The following TPRG1 variants were observed in gnomAD, a reference collection of about 807,000 sequenced individuals.
TPRG1 encodes the protein tumor protein p63-regulated gene 1 protein.
TPRG1 carries 29 observed loss-of-function variants against 29.3 expected under a neutral mutation model. The observed-to-expected ratio is 0.99, with a 90% CI of 0.74 to 1.35. The LOEUF is 1.35. Among genes scored for constraint, TPRG1 ranks in the 40% most tolerant of loss-of-function variants. The pLI is 0.00. For missense variants in TPRG1, 327 were observed against 335.0 expected, an observed-to-expected ratio of 0.98 and a Z score of 0.19; for synonymous variants, 130 against 116.8, an observed-to-expected ratio of 1.11 and a Z score of -0.73.
At chr3:189,202,752 G>A (rs925624787) in intron 1 of TPRG1, among the ~76,000 whole-genome samples, 2 of 152,122 alleles carry the variant, frequency 1.3e-5, no homozygotes, top group Non-Finnish European at 2.9e-5. Flanking sequence ...AAAGAGAAAG[G>A]CTTCATTCAG....
At chr3:189,120,973 A>G (rs945740238) in intron 1 of TPRG1, among the ~76,000 whole-genome samples, 8 of 152,224 alleles carry the variant, frequency 5.3e-5, no homozygotes, top group African/African-American at 1.9e-4. Flanking sequence ...AATTAAGGAC[A>G]TGTGTGGGAA....
At chr3:189,210,070 A>G (rs189091338) in intron 2 of TPRG1, among the ~76,000 whole-genome samples, 1 of 152,296 alleles carries the variant, frequency 6.6e-6, no homozygotes, top group East Asian at 1.9e-4. Context: ...CTTATGAACC[A>G]CAAGTCTGCT....
intron 4 of TPRG1, among the ~76,000 whole-genome samples, chr3:189,032,754 C>G (rs370722733): frequency 8.8e-6 from 1 of 113,980 alleles, no homozygotes; most frequent in East Asian, 3.3e-4. Context: ...CCCCTCCCCC[C>G]ACCCCACAAC....
chr3:189,254,318 A>T (rs1742727243), intron 4 of TPRG1, among the ~76,000 whole-genome samples: 1 of 152,204 alleles, frequency 6.6e-6, no homozygotes, highest in African/African-American at 2.4e-5. Flanking sequence ...TTTGTCAAAG[A>T]TTAGATGGCT....
chr3:189,109,332 C>A (rs1441992404), intron 1 of TPRG1, among the ~76,000 whole-genome samples: 1 of 152,184 alleles, frequency 6.6e-6, no homozygotes, highest in East Asian at 1.9e-4. Flanking sequence ...CACACAGTAG[C>A]CTTGTAAGAG....
intron 4 of TPRG1, among the ~76,000 whole-genome samples, chr3:189,281,030 G>T (rs1207500622): frequency 6.6e-6 from 1 of 152,174 alleles, no homozygotes; most frequent in Non-Finnish European, 1.5e-5. Flanking sequence ...ATGACTGTAT[G>T]ACCCAATTCA....
intron 4 of TPRG1, among the ~76,000 whole-genome samples, chr3:189,084,554 A>G (rs1266871420): frequency 1.3e-5 from 2 of 152,212 alleles, no homozygotes; most frequent in Non-Finnish European, 2.9e-5. Context: ...TTTCAACCTA[A>G]TTAAAGTAAC....
intron 3 of TPRG1, among the ~76,000 whole-genome samples, chr3:189,231,871 T>C (rs1738707497): frequency 6.6e-6 from 1 of 152,110 alleles, no homozygotes; most frequent in Non-Finnish European, 1.5e-5. Context: ...GCTTCTGTTG[T>C]TATAATCTAA....
chr3:189,202,171 T>C (rs1201888194), intron 1 of TPRG1, among the ~76,000 whole-genome samples: 2 of 152,152 alleles, frequency 1.3e-5, no homozygotes, highest in African/African-American at 4.8e-5. Flanking sequence ...CCAACTATGG[T>C]GGATCTGTCT....
At chr3:189,101,933 A>T (rs975085393) in intron 1 of TPRG1, among the ~76,000 whole-genome samples, 3 of 151,996 alleles carry the variant, frequency 2.0e-5, no homozygotes, top group Non-Finnish European at 4.4e-5. Context: ...AGGTGCTGCT[A>T]TTGTTTTATT....
chr3:189,129,347 G>A (rs1327000787), intron 2 of TPRG1, among the ~76,000 whole-genome samples: 1 of 152,114 alleles, frequency 6.6e-6, no homozygotes, highest in African/African-American at 2.4e-5. Flanking sequence ...TATTGCAAAA[G>A]ATACCACAGC....
At chr3:189,055,294 A>G (rs1715591558) in intron 4 of TPRG1, among the ~76,000 whole-genome samples, 1 of 152,188 alleles carries the variant, frequency 6.6e-6, no homozygotes, top group South Asian at 2.1e-4. Context: ...TGATCCTCAG[A>G]AGCAGACCCT....
intron 4 of TPRG1, among the ~76,000 whole-genome samples, chr3:189,262,674 C>G (rs1418459425): frequency 6.6e-6 from 1 of 152,144 alleles, no homozygotes; most frequent in Admixed American, 6.5e-5. Flanking sequence ...TTCAACTTAC[C>G]TGAACACTTA....
chr3:189,070,493 T>A (rs1288436791), intron 4 of TPRG1, among the ~76,000 whole-genome samples: 1 of 152,244 alleles, frequency 6.6e-6, no homozygotes, highest in Non-Finnish European at 1.5e-5. Flanking sequence ...TCAATGTCAA[T>A]ATCCTGATTG....
intron 4 of TPRG1, among the ~76,000 whole-genome samples, chr3:189,271,145 A>G (rs1244849789): frequency 1.3e-5 from 2 of 152,222 alleles, no homozygotes; most frequent in African/African-American, 4.8e-5. Flanking sequence ...AAATGACGGT[A>G]GAGCTGGGTT....
At chr3:189,175,155 A>C (rs1384554555) in intron 1 of TPRG1, among the ~76,000 whole-genome samples, 1 of 152,184 alleles carries the variant, frequency 6.6e-6, no homozygotes, top group Non-Finnish European at 1.5e-5. Context: ...GAATATGATA[A>C]ATATTTCAAG....
intron 4 of TPRG1, among the ~76,000 whole-genome samples, chr3:189,277,370 A>G (rs1242525660): frequency 6.6e-6 from 1 of 152,248 alleles, no homozygotes; most frequent in Non-Finnish European, 1.5e-5. Context: ...ATATTTCAAA[A>G]AACAGTAAAT....
intron 2 of TPRG1, among the ~76,000 whole-genome samples, chr3:189,128,391 A>G (rs865942398): frequency 6.6e-6 from 1 of 152,318 alleles, no homozygotes; most frequent in Middle Eastern, 3.4e-3. Flanking sequence ...GATTTAGGAA[A>G]TAAAAATACA....
intron 4 of TPRG1, among the ~76,000 whole-genome samples, chr3:189,088,638 A>G (rs1297814697): frequency 6.6e-6 from 1 of 152,180 alleles, no homozygotes; most frequent in African/African-American, 2.4e-5. Flanking sequence ...TAAACTTATA[A>G]TAAATCATCT....
Sources: allele counts gnomAD v4.1 joint callset (sites outside exome capture counted in the v4.1 genomes callset), GRCh38; gene constraint gnomAD v4.1.1; transcripts MANE v1.5; gene names NCBI Gene and HGNC (gene_info 2026-07-23, HGNC 2026-07-21).